The following SLC38A2 variants were observed in gnomAD, a reference collection of about 807,000 sequenced individuals.
SLC38A2 encodes the protein sodium-coupled neutral amino acid symporter 2.
SLC38A2 carries 11 observed loss-of-function variants against 61.5 expected under a neutral mutation model. That is an observed-to-expected ratio of 0.18 (90% confidence interval 0.11 to 0.30). The LOEUF (loss-of-function observed/expected upper bound fraction) is 0.30. Ranked by LOEUF, SLC38A2 falls within the 10% of genes least tolerant of loss-of-function variation. The probability of loss-of-function intolerance (pLI) is 1.00; values close to 1 mark genes in which losing one functional copy is unlikely to be tolerated. For synonymous variants in SLC38A2, 217 were observed against 212.5 expected (o/e 1.02, Z -0.18); for missense variants, 522 against 600.4 (o/e 0.87, Z 1.36).
At position 46,367,508 on chromosome 12, in the gene SLC38A2, T is replaced by G. The variant is rs901235937; in HGVS notation, c.315-168A>C. The G allele has an allele frequency of 1.5e-5, 9 of 609,246 alleles. No homozygotes were observed. In the African/African-American group the frequency reaches 1.7e-4, roughly 11 times the overall value. 37.7% of individuals were successfully genotyped at this position (609,246 alleles called of 1,614,324 possible). A position where few individuals can be genotyped will look rare whatever the true frequency, so the allele number is the denominator to read the frequency against. On this transcript the variant is annotated intron_variant, in intron 4 of 15. Coordinates refer to ENST00000256689, the MANE Select transcript of SLC38A2 (RefSeq NM_018976.5). The stretch of plus-strand genomic sequence containing the variant: ...CCTACTAACTGGAATGGCAACACTG[T>G]CTCTTGGCTGGCAGTAAAAACTTGC...
Position 46,367,307 on chromosome 12 carries a change from C to T in SLC38A2, c.348G>A (p.Leu116=). Residue 116 remains leucine (L), a synonymous_variant, in exon 5 of 16, where the codon CTG becomes CTA. Coordinates refer to ENST00000256689, the MANE Select transcript of SLC38A2 (RefSeq NM_018976.5). The stretch of plus-strand genomic sequence containing the variant: ...TCTTCAAAAGGAGATGAACAGAATA[C>T]AGGGAAAATATTGACACAAATGTCA... ...ILLTFVSIFS[L]YSVHLLLKTA... 6.2e-7 allele frequency: 1 copy of T among 1,600,542 alleles called. No individual in the cohort carries two copies. The highest frequency in any genetic ancestry group is 1.1e-5 in the South Asian group (1 of 90,714).
chr12:46,359,619 G>C lies in SLC38A2; in HGVS notation c.*1492C>G, dbSNP rs1943059863. 1 of 152,526 alleles carries C rather than the reference G, an allele frequency of 6.6e-6. No individual in the cohort carries two copies. Among genetic ancestry groups the C allele is most frequent in the African/African-American group, 2.4e-5 (1 of 41,446 alleles). The allele number at this position is 152,526 out of a possible 1,614,324, so 9.4% of individuals were successfully genotyped here. ...ATATTAGATTTTAGACATTATGCCT[G>C]ATGAGCGAAGTACCACATTATTTAA... On this transcript the variant is annotated 3_prime_UTR_variant, in exon 16 of 16. Coordinates refer to ENST00000256689, the MANE Select transcript of SLC38A2 (RefSeq NM_018976.5).
At chr12:46,364,984 G>T (rs1314412284) in intron 8 of SLC38A2, 123 bp downstream of exon 8, 1 of 943,894 alleles carries the variant, frequency 1.1e-6, no homozygotes, top group East Asian at 2.5e-5. Context: ...CATGCTGTAA[G>T]TCCCAAAGAT....
intron 4 of SLC38A2, among the ~76,000 whole-genome samples, chr12:46,367,563 T>C (rs888929747): frequency 1.3e-5 from 2 of 152,210 alleles, no homozygotes; most frequent in African/African-American, 2.4e-5. Flanking sequence ...TTCTACAGCA[T>C]TGGTTAGGAA....
rs1361629365 is a variant in SLC38A2 at position 46,358,526 on chromosome 12, AG to A, written c.*2584del. On this transcript the variant is annotated 3_prime_UTR_variant, in exon 16 of 16. Coordinates refer to ENST00000256689, the MANE Select transcript of SLC38A2 (RefSeq NM_018976.5). Reference sequence around the variant, plus strand: ...GTTTATTGCAAATACAATTTAAACAAGTTTTTTTTAGTGTTTGTACACAATT... The same window carrying A: ...GTTTATTGCAAATACAATTTAAACAATTTTTTTTAGTGTTTGTACACAATT... 3.9e-5 allele frequency: 6 copies of A among 152,760 alleles called. No homozygotes were observed. The East Asian group carries it at 1.2e-3, about 29-fold the overall frequency. 9.5% of individuals were successfully genotyped at this position (152,760 alleles called of 1,614,324 possible).
At chr12:46,369,857 C>T (rs969645746) in intron 4 of SLC38A2, among the ~76,000 whole-genome samples, 1 of 152,196 alleles carries the variant, frequency 6.6e-6, no homozygotes, top group African/African-American at 2.4e-5. Flanking sequence ...TTAAGTCTAA[C>T]TGTGCAACTG....
At chr12:46,369,308 G>GT (rs1943170471) in intron 4 of SLC38A2, among the ~76,000 whole-genome samples, 1 of 152,178 alleles carries the variant, frequency 6.6e-6, no homozygotes, top group Non-Finnish European at 1.5e-5. Context: ...CTTCACCTTA[G>GT]TAAGAGTTCT....
In SLC38A2 at chr12:46,359,878, T is replaced by G; in HGVS notation, c.*1233A>C. The stretch of plus-strand genomic sequence containing the variant: ...GATGACAGTCCAGTGCAAATGAGTT[T>G]TTATAAAGCTTACTGCATGAGAAAC... On this transcript the variant is annotated 3_prime_UTR_variant, in exon 16 of 16. Coordinates refer to ENST00000256689, the MANE Select transcript of SLC38A2 (RefSeq NM_018976.5). The G allele has an allele frequency of 6.5e-6, 1 of 152,764 alleles. No homozygotes were observed. 9.5% of individuals were successfully genotyped at this position (152,764 alleles called of 1,614,324 possible).
At chr12:46,372,399 A>G (rs1282613748) in intron 1 of SLC38A2, 110 bp downstream of exon 1, 1 of 309,562 alleles carries the variant, frequency 3.2e-6, no homozygotes, top group Non-Finnish European at 5.9e-6. Context: ...CCGCCTCGAA[A>G]GGAAACGGAC....
Position 46,370,094 on chromosome 12 carries a change from G to GT in SLC38A2, c.314+417dup, listed in dbSNP as rs561277396. The stretch of plus-strand genomic sequence containing the variant: ...GAGAAATTTTCTTTTCCTTATTCAC[G>GT]TAAGGGGCCACAGGTCCTTAAGAAC... On this transcript the variant is annotated intron_variant, in intron 4 of 15. Coordinates refer to ENST00000256689, the MANE Select transcript of SLC38A2 (RefSeq NM_018976.5). 1.6e-4 allele frequency among the ~76,000 whole-genome samples: 25 copies of GT among 152,240 alleles called. No individual in the cohort carries two copies. In the South Asian group the frequency reaches 5.2e-3, roughly 32 times the overall value.
intron 6 of SLC38A2, 42 bp from the exon 7 acceptor site, chr12:46,366,987 GGCACGTGACACTAAAAC>G (rs776509822): frequency 6.2e-7 from 1 of 1,606,552 alleles, no homozygotes; most frequent in South Asian, 1.1e-5. Context: ...TGCAAAACGC[GGCACGTGACACTAAAAC>G]GCATGTGTCA....
At chr12:46,363,678 GTTTTT>G in intron 12 of SLC38A2, 43 bp downstream of exon 12, 1 of 1,209,942 alleles carries the variant, frequency 8.3e-7, no homozygotes, top group South Asian at 1.6e-5. Context: ...TTCAATAAGC[GTTTTT>G]TTTTGTTTTT....
chr12:46,359,941 A>G lies in SLC38A2; in HGVS notation c.*1170T>C, dbSNP rs1203724407. 1 of 152,674 alleles carries G rather than the reference A, an allele frequency of 6.5e-6. No individual in the cohort carries two copies. The highest frequency in any genetic ancestry group is 2.4e-5 in the African/African-American group (1 of 41,478). 9.5% of individuals were successfully genotyped at this position (152,674 alleles called of 1,614,324 possible). On this transcript the variant is annotated 3_prime_UTR_variant, in exon 16 of 16. Transcript: ENST00000256689. The stretch of plus-strand genomic sequence containing the variant: ...GCAAAGAGAACTTATATCATATCAA[A>G]CATAGGTGTAACCTGTGGATTAGAC...
chr12:46,363,754 G>T lies in SLC38A2; in HGVS notation c.1026C>A (p.Ala342=), dbSNP rs374617287. Residue 342 remains alanine (A), a synonymous_variant, in exon 12 of 16, where the codon GCC becomes GCA. Transcript: ENST00000256689. Reference sequence around the variant, plus strand: ...AAAATGTTAGGTATCCAAAGAGGGCGGCAAGCAGATACATGAGAAACATAG... The same window carrying T: ...AAAATGTTAGGTATCCAAAGAGGGCTGCAAGCAGATACATGAGAAACATAG... The part of the protein sequence containing the change: ...FFAMFLMYLL[A]ALFGYLTFYE... 6.3e-7 allele frequency: 1 copy of T among 1,590,736 alleles called. No individual in the cohort carries two copies. Among genetic ancestry groups the T allele is most frequent in the Non-Finnish European group, 8.5e-7 (1 of 1,172,648 alleles).
chr12:46,370,924 G>C (rs1159630671), intron 2 of SLC38A2, 67 bp from the exon 3 acceptor site: 3 of 1,237,418 alleles, frequency 2.4e-6, no homozygotes, highest in Non-Finnish European at 3.5e-6. Flanking sequence ...ACACAAGACT[G>C]CTTTAACATA....
chr12:46,367,109 C>G lies in SLC38A2; in HGVS notation c.448G>C (p.Ala150Pro). 6.2e-7 allele frequency: 1 copy of G among 1,614,120 alleles called. No individual in the cohort carries two copies. Among genetic ancestry groups the G allele is most frequent in the Non-Finnish European group, 8.5e-7 (1 of 1,180,000 alleles). ...TTCTGCATTGTAATTGATCCAGATGCTGCAAGCTTTCCAACTAATCCAAAT... is the reference window on the plus strand; with the variant it reads ...TTCTGCATTGTAATTGATCCAGATGGTGCAAGCTTTCCAACTAATCCAAAT... Reference protein sequence around the residue: ...KAFGLVGKLAASGSITMQNIG... With the variant: ...KAFGLVGKLAPSGSITMQNIG... The change falls in exon 6 of 16, where the codon GCA (alanine) becomes CCA (proline). Residue 150 changes from alanine (A) to proline (P), a missense_variant. Around this residue, in one of 3 missense-constraint regions of SLC38A2, gnomAD observed 111 missense variants for 173.4 expected, o/e 0.64. Transcript: ENST00000256689.
rs1174583954 is a variant in SLC38A2, at chr12:46,361,083, G to A, written c.*28C>T. 7.7e-6 allele frequency: 12 copies of A among 1,559,514 alleles called. No homozygotes were observed. In the South Asian group the frequency reaches 1.2e-4, roughly 16 times the overall value. On this transcript the variant is annotated 3_prime_UTR_variant, in exon 16 of 16. Coordinates refer to ENST00000256689, the MANE Select transcript of SLC38A2 (RefSeq NM_018976.5). ...GTTTACTCAACACTGGCATCAGATG[G>A]ACTGAGTTTGAGTTTGAGTGGTGCC...
chr12:46,365,431 T>A (rs1417651527), intron 7 of SLC38A2: 1 of 554,020 alleles, frequency 1.8e-6, no homozygotes, highest in South Asian at 2.6e-5. Flanking sequence ...CTACTTGCTC[T>A]GGGAAGGCTG....
At chr12:46,362,749 AT>A (rs75630105) in intron 13 of SLC38A2, 111 bp from the exon 14 acceptor site, 3 of 1,188,952 alleles carry the variant, frequency 2.5e-6, no homozygotes, top group African/African-American at 4.1e-5. Flanking sequence ...TCTATCCAAA[AT>A]AGTAACTATT....
Sources: allele counts gnomAD v4.1 joint callset (sites outside exome capture counted in the v4.1 genomes callset), GRCh38; gene constraint gnomAD v4.1.1; regional missense constraint gnomAD v4.1.1; transcripts MANE v1.5; gene names NCBI Gene and HGNC (gene_info 2026-07-23, HGNC 2026-07-21).